The following DDX10 variants were observed in gnomAD, a reference collection of about 807,000 sequenced individuals.
The protein encoded by DDX10 is DEAD-box helicase 10.
DDX10 carries 74 observed loss-of-function variants against 104.3 expected under a neutral mutation model. The ratio of observed to expected loss-of-function variants is 0.71; its 90% confidence interval spans 0.59 to 0.86. DDX10 has a LOEUF of 0.86. Ranked by LOEUF, DDX10 falls within the 40% of genes least tolerant of loss-of-function variation. The pLI, the probability that DDX10 is intolerant of heterozygous loss-of-function variation, is 0.00. For missense variants in DDX10, 952 were observed against 1,040.0 expected (o/e 0.92, Z 1.16); for synonymous variants, 351 against 353.4 (o/e 0.99, Z 0.08).
intron 5 of DDX10, 63 bp from the exon 6 acceptor site, chr11:108,679,308 C>A: frequency 7.6e-7 from 1 of 1,318,410 alleles, no homozygotes; most frequent in Non-Finnish European, 1.0e-6. Flanking sequence ...CCAGGATACC[C>A]ATTGCATTTA....
At chr11:108,804,189 A>G (rs956060386) in intron 13 of DDX10, among the ~76,000 whole-genome samples, 1 of 152,136 alleles carries the variant, frequency 6.6e-6, no homozygotes, top group African/African-American at 2.4e-5. Flanking sequence ...ACTTACTGGT[A>G]ACCTGTTGTA....
intron 16 of DDX10, among the ~76,000 whole-genome samples, chr11:108,875,097 C>T (rs989422037): frequency 1.3e-5 from 2 of 151,980 alleles, no homozygotes; most frequent in Non-Finnish European, 2.9e-5. Flanking sequence ...AGAGGTTTTG[C>T]CTATTTCAAG....
chr11:108,682,744 C>T (rs2094237361), intron 6 of DDX10, among the ~76,000 whole-genome samples: 1 of 152,164 alleles, frequency 6.6e-6, no homozygotes, highest in Non-Finnish European at 1.5e-5. Context: ...TGTATTGTCA[C>T]CCTTCCACCT....
intron 16 of DDX10, among the ~76,000 whole-genome samples, chr11:108,901,260 C>T (rs192727273): frequency 6.6e-6 from 1 of 152,200 alleles, no homozygotes; most frequent in South Asian, 2.1e-4. Context: ...ACCATGCGTA[C>T]ATCATGCATA....
At chr11:108,730,235 A>G (rs2094310372) in intron 13 of DDX10, 1 of 152,226 alleles carries the variant, frequency 6.6e-6, no homozygotes. Flanking sequence ...TTTCGAAAAG[A>G]TTAGCTGTAT....
chr11:108,837,606 G>GGTT (rs1862572340), intron 13 of DDX10, among the ~76,000 whole-genome samples: 1 of 62,746 alleles, frequency 1.6e-5, no homozygotes, highest in Non-Finnish European at 2.9e-5. Context: ...TTTGGATACA[G>GGTT]CTTTTTTTTT....
At chr11:108,932,447 C>G (rs918318541) in intron 17 of DDX10, among the ~76,000 whole-genome samples, 6 of 151,880 alleles carry the variant, frequency 4.0e-5, no homozygotes, top group Non-Finnish European at 7.3e-5. Flanking sequence ...AGCAAGACCC[C>G]CATCTCTAAA....
intron 14 of DDX10, 139 bp from the exon 15 acceptor site, chr11:108,841,176 T>G: frequency 1.5e-6 from 1 of 673,476 alleles, no homozygotes; most frequent in Non-Finnish European, 2.5e-6. Flanking sequence ...TGAAGTTGAT[T>G]AGAAGATTAA....
In DDX10 at chr11:108,706,055, T is replaced by TC. The variant is rs576352046; in HGVS notation, c.1224-682dup. Among the ~76,000 whole-genome samples, 51 of 152,158 alleles carry TC rather than the reference T, an allele frequency of 3.4e-4. No homozygotes were observed. In the South Asian group the frequency reaches 6.7e-3, roughly 20 times the overall value. On this transcript the variant is annotated intron_variant, in intron 9 of 17. Coordinates refer to ENST00000322536, the MANE Select transcript of DDX10 (RefSeq NM_004398.4). ...GGCATGATCTCAGCTCACTGCAACC[T>TC]CCATCTCCTGGGTTGAAGCAATTCT...
intron 16 of DDX10, among the ~76,000 whole-genome samples, chr11:108,879,284 G>A (rs541205987): frequency 3.3e-5 from 5 of 152,282 alleles, no homozygotes; most frequent in Admixed American, 3.3e-4. Flanking sequence ...ACAGGCATGA[G>A]CCATCACATC....
At position 108,693,621 on chromosome 11, in the gene DDX10, C is replaced by G. The variant is rs773281180; in HGVS notation, c.1223+21C>G. ...GCCAGGTAGGTGTACTGACTAATTT[C>G]TTTTCTTTTGCTACTATCTAAATAA... On this transcript the variant is annotated intron_variant, in intron 9 of 17. Transcript: ENST00000322536. The G allele has an allele frequency of 1.9e-5, 29 of 1,557,732 alleles. No homozygotes were observed. The African/African-American group carries it at 3.5e-4, about 19-fold the overall frequency.
intron 13 of DDX10, among the ~76,000 whole-genome samples, chr11:108,764,515 A>C (rs531165067): frequency 1.6e-4 from 24 of 152,256 alleles, no homozygotes; most frequent in African/African-American, 5.8e-4. Context: ...TAAAAATACA[A>C]AAAATTAGTT....
At chr11:108,905,185 C>T (rs1183660868) in intron 16 of DDX10, among the ~76,000 whole-genome samples, 3 of 151,916 alleles carry the variant, frequency 2.0e-5, no homozygotes, top group Non-Finnish European at 4.4e-5. Flanking sequence ...GTTAAGAACT[C>T]CTAATCTAAA....
chr11:108,773,584 A>G (rs1370916798), intron 13 of DDX10, among the ~76,000 whole-genome samples: 1 of 151,936 alleles, frequency 6.6e-6, no homozygotes. Flanking sequence ...AAATGCATAA[A>G]TGCACTTTTC....
chr11:108,817,789 A>C (rs1862274820), intron 13 of DDX10, among the ~76,000 whole-genome samples: 1 of 152,238 alleles, frequency 6.6e-6, no homozygotes, highest in South Asian at 2.1e-4. Context: ...TGCAAAGTAC[A>C]GATAGAATAG....
At chr11:108,676,367 TAAAAA>T (rs759744142) in intron 3 of DDX10, among the ~76,000 whole-genome samples, 1 of 150,436 alleles carries the variant, frequency 6.6e-6, no homozygotes, top group African/African-American at 2.4e-5. Context: ...TTTGCCCCCT[TAAAAA>T]AAAAGGCTCC....
At chr11:108,683,749 C>A (rs1303010710) in intron 6 of DDX10, among the ~76,000 whole-genome samples, 1 of 152,166 alleles carries the variant, frequency 6.6e-6, no homozygotes, top group Non-Finnish European at 1.5e-5. Context: ...TATCAAAGAG[C>A]TTTCACATGA....
In DDX10 at chr11:108,859,875, T is replaced by C. The variant is rs544526106; in HGVS notation, c.2304+7666T>C. Among the ~76,000 whole-genome samples the C allele has an allele frequency of 5.9e-5, 9 of 152,346 alleles. No individual in the cohort carries two copies. The East Asian group carries it at 1.5e-3, about 26-fold the overall frequency. ...TCATTTGCCTATATTTTTGTATGTA[T>C]TAGCATTCATTAATGGTCTAAATGA... On this transcript the variant is annotated intron_variant, in intron 16 of 17. Transcript: ENST00000322536.
intron 16 of DDX10, among the ~76,000 whole-genome samples, chr11:108,878,505 G>A (rs1159370284): frequency 1.3e-5 from 2 of 152,080 alleles, no homozygotes; most frequent in African/African-American, 2.4e-5. Context: ...TTTCCCTAAT[G>A]TGGCAATTTA....
Sources: gnomAD v4.1 joint callset for allele counts (sites outside exome capture counted in the v4.1 genomes callset) on GRCh38, gnomAD v4.1.1 for gene constraint, MANE v1.5 for transcripts, NCBI Gene and HGNC (gene_info 2026-07-23, HGNC 2026-07-21) for gene names.